The following MEOX2 variants were observed in gnomAD, a reference collection of about 807,000 sequenced individuals.
MEOX2 encodes the protein mesenchyme homeobox 2, also known as homeobox protein MOX-2.
In MEOX2, 11 loss-of-function variants were observed where a neutral mutation model predicts 27.0. The ratio of observed to expected loss-of-function variants is 0.41; its 90% CI spans 0.26 to 0.68. The LOEUF (loss-of-function observed/expected upper bound fraction) is 0.68. Ranked by LOEUF, MEOX2 falls within the 30% of genes least tolerant of loss-of-function variation. The probability of loss-of-function intolerance (pLI) is 0.33; values close to 1 mark genes in which losing one functional copy is unlikely to be tolerated. For synonymous variants in MEOX2, 189 were observed against 155.4 expected (o/e 1.22, Z -1.61); for missense variants, 436 against 385.4 (o/e 1.13, Z -1.10).
chr7:15,680,482 C>T (rs1406843933), intron 1 of MEOX2: 6 of 151,816 alleles, frequency 4.0e-5, no homozygotes, highest in Admixed American at 6.6e-5. Flanking sequence ...AAATATTCTG[C>T]GAGGTTTTCT....
chr7:15,682,430 T>C (rs143834211), intron 1 of MEOX2, among the ~76,000 whole-genome samples: 2,898 of 151,948 alleles, frequency 0.019, 95 homozygotes, highest in African/African-American at 0.067. Flanking sequence ...CAGACATAAT[T>C]TGACAGCAAA....
At chr7:15,631,974 T>G (rs1237683964) in intron 1 of MEOX2, among the ~76,000 whole-genome samples, 3 of 132,198 alleles carry the variant, frequency 2.3e-5, no homozygotes, top group Non-Finnish European at 5.0e-5. Context: ...CACAAGATTA[T>G]TCTTAAATTG....
chr7:15,651,317 C>T (rs569010329), intron 1 of MEOX2, among the ~76,000 whole-genome samples: 61 of 151,838 alleles, frequency 4.0e-4, no homozygotes, highest in Admixed American at 6.6e-4. Flanking sequence ...CCAGTATTGT[C>T]GCATTGTAGG....
At chr7:15,647,149 G>C (rs1033940073) in intron 1 of MEOX2, among the ~76,000 whole-genome samples, 1 of 151,996 alleles carries the variant, frequency 6.6e-6, no homozygotes, top group African/African-American at 2.4e-5. Flanking sequence ...TATTAGCTAA[G>C]TACATTTGTT....
intron 1 of MEOX2, among the ~76,000 whole-genome samples, chr7:15,642,595 C>T (rs1348985107): frequency 1.3e-5 from 2 of 151,998 alleles, no homozygotes; most frequent in Non-Finnish European, 2.9e-5. Context: ...ATTTTGAATT[C>T]CTTGTCTCTC....
intron 2 of MEOX2, among the ~76,000 whole-genome samples, chr7:15,625,461 C>G (rs2282932): frequency 0.61 from 93,184 of 152,006 alleles, 29,300 homozygotes; most frequent in East Asian, 0.81. Context: ...CTGTATATTT[C>G]TACTACCCAT....
chr7:15,618,522 T>C (rs1322418867), intron 2 of MEOX2, among the ~76,000 whole-genome samples: 1 of 151,982 alleles, frequency 6.6e-6, no homozygotes. Context: ...TGTTTAACAA[T>C]AATTGGCAAC....
At chr7:15,645,188 C>G (rs1781622028) in intron 1 of MEOX2, among the ~76,000 whole-genome samples, 1 of 152,168 alleles carries the variant, frequency 6.6e-6, no homozygotes, top group African/African-American at 2.4e-5. Flanking sequence ...TCATTAATAA[C>G]CTTTCTTGTA....
intron 1 of MEOX2, among the ~76,000 whole-genome samples, chr7:15,683,612 C>T (rs1179463840): frequency 6.6e-6 from 1 of 152,026 alleles, no homozygotes; most frequent in Non-Finnish European, 1.5e-5. Flanking sequence ...GCAATTGTTA[C>T]ACGAGAAAGA....
chr7:15,618,926 T>G (rs1286329711), intron 2 of MEOX2, among the ~76,000 whole-genome samples: 1 of 151,970 alleles, frequency 6.6e-6, no homozygotes, highest in Non-Finnish European at 1.5e-5. Context: ...ACGTTCATCA[T>G]AAAAAATTGG....
chr7:15,665,991 G>T (rs952572166), intron 1 of MEOX2, among the ~76,000 whole-genome samples: 10 of 152,026 alleles, frequency 6.6e-5, no homozygotes, highest in Admixed American at 6.6e-4. Context: ...GATTGAGAGG[G>T]TGGTTTTGAT....
chr7:15,670,705 G>C (rs975009465), intron 1 of MEOX2, among the ~76,000 whole-genome samples: 1 of 152,170 alleles, frequency 6.6e-6, no homozygotes, highest in Non-Finnish European at 1.5e-5. Flanking sequence ...ACATAAAACA[G>C]TGTTAAAATA....
chr7:15,675,563 A>G (rs1366990072), intron 1 of MEOX2, among the ~76,000 whole-genome samples: 3 of 152,256 alleles, frequency 2.0e-5, no homozygotes, highest in Non-Finnish European at 4.4e-5. Flanking sequence ...AGCTGCCACT[A>G]CTTGGCTGAA....
At chr7:15,644,360 C>A (rs972535240) in intron 1 of MEOX2, among the ~76,000 whole-genome samples, 1 of 152,136 alleles carries the variant, frequency 6.6e-6, no homozygotes, top group African/African-American at 2.4e-5. Flanking sequence ...AAATATGGTG[C>A]CTGGAGTTTC....
chr7:15,620,826 C>T (rs918341444), intron 2 of MEOX2, among the ~76,000 whole-genome samples: 13 of 152,138 alleles, frequency 8.5e-5, no homozygotes, highest in African/African-American at 2.9e-4. Context: ...TCTGTTTATT[C>T]CAGTAATCTT....
intron 1 of MEOX2, among the ~76,000 whole-genome samples, chr7:15,635,600 G>A (rs1006533433): frequency 6.6e-6 from 1 of 151,918 alleles, no homozygotes; most frequent in Non-Finnish European, 1.5e-5. Flanking sequence ...TATTAGGAGA[G>A]GACTGTGGTC....
chr7:15,627,472 CTTTTA>C (rs965210217), intron 1 of MEOX2, among the ~76,000 whole-genome samples: 7 of 151,914 alleles, frequency 4.6e-5, no homozygotes, highest in African/African-American at 1.4e-4. Flanking sequence ...TAGCAATGTT[CTTTTA>C]TTTTATATTA....
At chr7:15,626,410 T>G (rs534453905) in intron 2 of MEOX2, among the ~76,000 whole-genome samples, 1 of 152,066 alleles carries the variant, frequency 6.6e-6, no homozygotes, top group Non-Finnish European at 1.5e-5. Context: ...CTTTCTAATA[T>G]GCCAAATAAG....
intron 1 of MEOX2, chr7:15,678,895 AT>A (rs1437690217): frequency 2.0e-5 from 3 of 152,140 alleles, no homozygotes; most frequent in Non-Finnish European, 4.4e-5. Flanking sequence ...ATAACTGCGA[AT>A]TTGTTTTTTC....
Sources: gnomAD v4.1 joint callset for allele counts (sites outside exome capture counted in the v4.1 genomes callset) on GRCh38, gnomAD v4.1.1 for gene constraint, MANE v1.5 for transcripts, NCBI Gene and HGNC (gene_info 2026-07-23, HGNC 2026-07-21) for gene names.